PRRT1: variants seen among roughly 807,000 people sequenced by gnomAD.
The protein encoded by PRRT1 is proline rich transmembrane protein 1.
PRRT1 carries 8 observed loss-of-function variants against 22.6 expected under a neutral mutation model. The ratio of observed to expected loss-of-function variants is 0.35; its 90% CI spans 0.21 to 0.64. PRRT1 has a LOEUF of 0.64. Among genes scored for constraint, PRRT1 ranks in the 30% least tolerant of loss-of-function variants. The probability of loss-of-function intolerance (pLI) is 0.69; values close to 1 mark genes in which losing one functional copy is unlikely to be tolerated. For missense variants in PRRT1, 315 were observed against 444.5 expected, an observed-to-expected ratio of 0.71 and a Z score of 2.62; for synonymous variants, 176 against 203.6, an observed-to-expected ratio of 0.86 and a Z score of 1.15.
Position 32,149,065 on chromosome 6 carries a change from G to T in PRRT1, c.*157C>A, listed in dbSNP as rs1237333717. 5 of 849,068 alleles carry T rather than the reference G, an allele frequency of 5.9e-6. No individual in the cohort carries two copies. The highest frequency in any genetic ancestry group is 1.7e-5 in the African/African-American group (1 of 59,778). 52.6% of individuals were successfully genotyped at this position (849,068 alleles called of 1,614,324 possible). On this transcript the variant is annotated 3_prime_UTR_variant, in exon 4 of 4. Coordinates refer to ENST00000211413, the MANE Select transcript of PRRT1 (RefSeq NM_030651.4). The surrounding 1 kb of genome is among the most constrained non-coding windows in gnomAD (Gnocchi z 8.7). ...GAGGAACTGGATTCCGAGCTTGCTC[G>T]CAAGGCGAGACGTTCCGTGGAGGCG...
chr6:32,150,928 G>T lies in PRRT1; in HGVS notation c.20-22C>A. ...AGTCCTGGGGGAGGTGAGTGGAGGAGAGTATAAGAGGAAAGATGACACAGT... is the reference window on the plus strand; with the variant it reads ...AGTCCTGGGGGAGGTGAGTGGAGGATAGTATAAGAGGAAAGATGACACAGT... On this transcript the variant is annotated intron_variant, in intron 1 of 3. Transcript: ENST00000211413. The surrounding 1 kb of genome is among the most constrained non-coding windows in gnomAD (Gnocchi z 7.2). 1 of 1,550,556 alleles carries T rather than the reference G, an allele frequency of 6.4e-7. No individual in the cohort carries two copies. The highest frequency in any genetic ancestry group is 2.3e-5 in the East Asian group (1 of 43,760).
chr6:32,150,247 C>T lies in PRRT1; in HGVS notation c.558+121G>A, dbSNP rs55837967. 1.6e-6 allele frequency: 2 copies of T among 1,255,946 alleles called. No homozygotes were observed. The highest frequency in any genetic ancestry group is 2.1e-6 in the Non-Finnish European group (2 of 950,564). 77.8% of individuals were successfully genotyped at this position (1,255,946 alleles called of 1,614,324 possible). A position where few individuals can be genotyped will look rare whatever the true frequency, so the allele number is the denominator to read the frequency against. On this transcript the variant is annotated intron_variant, in intron 2 of 3. Transcript: ENST00000211413. This position sits in a 1 kb window ranked among gnomAD's most constrained non-coding sequence, Gnocchi z 7.2. ...GCTCCCTTCTTTCTAGGGCTTGTCC[C>T]GGGAACACTACCTGTTCCCTGCCCT...
intron 1 of PRRT1, chr6:32,151,500 G>A: frequency 1.9e-6 from 1 of 526,168 alleles, no homozygotes; most frequent in Non-Finnish European, 3.4e-6. Context: ...CTCCATGCCA[G>A]CCAGTGATTG....
intron 1 of PRRT1, 66 bp downstream of exon 1, chr6:32,151,725 AGGGGTAAGGGAGGGGGTT>A (rs1370694611): frequency 8.6e-6 from 4 of 463,544 alleles, no homozygotes; most frequent in Non-Finnish European, 1.4e-5. Flanking sequence ...ACAGCTGAGG[AGGGGTAAGGGAGGGGGTT>A]GGGGCAAGGG....
At position 32,149,195 on chromosome 6, in the gene PRRT1, C is replaced by T; in HGVS notation, c.*27G>A. 5 of 1,608,906 alleles carry T rather than the reference C, an allele frequency of 3.1e-6. No individual in the cohort carries two copies. The highest frequency in any genetic ancestry group is 4.2e-6 in the Non-Finnish European group (5 of 1,178,520). On this transcript the variant is annotated 3_prime_UTR_variant, in exon 4 of 4. Coordinates refer to ENST00000211413, the MANE Select transcript of PRRT1 (RefSeq NM_030651.4). The surrounding 1 kb of genome is among the most constrained non-coding windows in gnomAD (Gnocchi z 8.7). Reference sequence around the variant, plus strand: ...AAAGAGCCTGGGAGATCGAGGGGCGCAGAGTGGGGCCGGACCAGGGGCGTT... The same window carrying T: ...AAAGAGCCTGGGAGATCGAGGGGCGTAGAGTGGGGCCGGACCAGGGGCGTT...
intron 1 of PRRT1, chr6:32,151,306 G>A (rs988712223): frequency 1.3e-5 from 6 of 460,324 alleles, no homozygotes; most frequent in Non-Finnish European, 2.4e-5. Flanking sequence ...CAATTCAACA[G>A]TTGTATAAAC....
rs2127375883 is a variant in PRRT1, at chr6:32,148,887, G to T, written c.*335C>A. On this transcript the variant is annotated 3_prime_UTR_variant, in exon 4 of 4. Transcript: ENST00000211413. This position sits in a 1 kb window ranked among gnomAD's most constrained non-coding sequence, Gnocchi z 5.7. ...TGTCAGAGCTGGGGCGGTGCTTATAGAGGAGGCGGGGTTTTAGGGACCAAA... is the reference window on the plus strand; with the variant it reads ...TGTCAGAGCTGGGGCGGTGCTTATATAGGAGGCGGGGTTTTAGGGACCAAA... 1 of 611,052 alleles carries T rather than the reference G, an allele frequency of 1.6e-6. No individual in the cohort carries two copies. Among genetic ancestry groups the T allele is most frequent in the East Asian group, 3.4e-5 (1 of 29,056 alleles). The allele number at this position is 611,052 out of a possible 1,614,324, so 37.9% of individuals were successfully genotyped here.
chr6:32,150,863 A>C lies in PRRT1; in HGVS notation c.63T>G (p.Asn21Lys), dbSNP rs752277152. Residue 21 changes from asparagine (N) to lysine (K), a missense_variant, in exon 2 of 4, where the codon AAT becomes AAG. Asn to Lys is a moderately conservative substitution (Grantham distance 94, BLOSUM62 0). Coordinates refer to ENST00000211413, the MANE Select transcript of PRRT1 (RefSeq NM_030651.4). This position sits in a 1 kb window ranked among gnomAD's most constrained non-coding sequence, Gnocchi z 7.2. ...GGGGTTCGGCTGGAGGCTGAGGGGC[A>C]TTGTAGGGCGGCGGAGAAGTGTGAG... is the stretch of plus-strand genomic sequence containing the variant. ...SVPHTSPPPY[N>K]APQPPAEPPA... 6.3e-7 allele frequency: 1 copy of C among 1,584,176 alleles called. No homozygotes were observed. The highest frequency in any genetic ancestry group is 8.6e-7 in the Non-Finnish European group (1 of 1,168,140).
chr6:32,151,954 G>GGC, upstream of PRRT1: 1 of 311,400 alleles, frequency 3.2e-6, no homozygotes, highest in Admixed American at 3.8e-5. Context: ...GCAGCGGCGG[G>GGC]GGGGGGGGGC....
At chr6:32,152,000 G>GGGGGGGTA, upstream of PRRT1, 1 of 350,442 alleles carries the variant, frequency 2.9e-6, no homozygotes. Flanking sequence ...GGGAGGGGGG[G>GGGGGGGTA]AGCTTAAAGG....
At chr6:32,151,961 G>A, upstream of PRRT1, 3 of 303,110 alleles carry the variant, frequency 9.9e-6, no homozygotes, top group Non-Finnish European at 1.3e-5. Context: ...CGGGGGGGGG[G>A]GGCGGGGGGG....
Position 32,148,698 on chromosome 6 carries a change from AGT to A in PRRT1, c.*522_*523del. On this transcript the variant is annotated 3_prime_UTR_variant, in exon 4 of 4. Coordinates refer to ENST00000211413, the MANE Select transcript of PRRT1 (RefSeq NM_030651.4). This position sits in a 1 kb window ranked among gnomAD's most constrained non-coding sequence, Gnocchi z 5.7. Reference sequence around the variant, plus strand: ...CAAAAATGTACTTGCAAAAAACAGGAGTGTGGGGGCCTTACTACCCCAGGGCT... The same window carrying A: ...CAAAAATGTACTTGCAAAAAACAGGAGTGGGGGCCTTACTACCCCAGGGCT... The A allele has an allele frequency of 2.4e-6, 1 of 422,642 alleles. No individual in the cohort carries two copies. Among genetic ancestry groups the A allele is most frequent in the Non-Finnish European group, 4.8e-6 (1 of 208,808 alleles). 26.2% of individuals were successfully genotyped at this position (422,642 alleles called of 1,614,324 possible).
rs532275018 is a variant in PRRT1 at position 32,151,795 on chromosome 6, G to A, written c.19+14C>T. The A allele has an allele frequency of 5.6e-6, 9 of 1,606,622 alleles. No homozygotes were observed. In the African/African-American group the frequency reaches 1.1e-4, roughly 19 times the overall value. On this transcript the variant is annotated intron_variant, in intron 1 of 3. Transcript: ENST00000211413. ...GACAGTGGAGGGGGTGGGAGGTTTT[G>A]TTATTGTTTTTACCTGACTTTTCGG...
Position 32,148,772 on chromosome 6 carries a change from G to A in PRRT1, c.*450C>T, listed in dbSNP as rs1218707355. On this transcript the variant is annotated 3_prime_UTR_variant, in exon 4 of 4. Coordinates refer to ENST00000211413, the MANE Select transcript of PRRT1 (RefSeq NM_030651.4). This position sits in a 1 kb window ranked among gnomAD's most constrained non-coding sequence, Gnocchi z 5.7. ...GGGAGGGGTCTGTCCGTCTGTGGGCGAGGCCTGGAGCCACAAACCCAATCA... is the reference window on the plus strand; with the variant it reads ...GGGAGGGGTCTGTCCGTCTGTGGGCAAGGCCTGGAGCCACAAACCCAATCA... The A allele has an allele frequency of 4.2e-6, 2 of 472,914 alleles. No individual in the cohort carries two copies. Among genetic ancestry groups the A allele is most frequent in the African/African-American group, 2.0e-5 (1 of 50,812 alleles). The allele number at this position is 472,914 out of a possible 1,614,324, so 29.3% of individuals were successfully genotyped here.
chr6:32,148,557 C>T lies in PRRT1; in HGVS notation c.*665G>A, dbSNP rs1473164234. The T allele has an allele frequency of 9.1e-6, 3 of 328,416 alleles. No individual in the cohort carries two copies. The highest frequency in any genetic ancestry group is 4.3e-5 in the African/African-American group (2 of 46,270). The allele number at this position is 328,416 out of a possible 1,614,324, so 20.3% of individuals were successfully genotyped here. A position where few individuals can be genotyped will look rare whatever the true frequency, so the allele number is the denominator to read the frequency against. ...TTACAGAGCGTTTACAGGCAGGTTT[C>T]TTATCCCAGGGAGAAGGGTCCTACA... is the stretch of plus-strand genomic sequence containing the variant. On this transcript the variant is annotated 3_prime_UTR_variant, in exon 4 of 4. Coordinates refer to ENST00000211413, the MANE Select transcript of PRRT1 (RefSeq NM_030651.4). The surrounding 1 kb of genome is among the most constrained non-coding windows in gnomAD (Gnocchi z 5.7).
In PRRT1 at chr6:32,150,191, C is replaced by T. The variant is rs2127377609; in HGVS notation, c.558+177G>A. 6.6e-6 allele frequency among the ~76,000 whole-genome samples: 1 copy of T among 152,286 alleles called. No homozygotes were observed. Among genetic ancestry groups the T allele is most frequent in the East Asian group, 1.9e-4 (1 of 5,166 alleles). On this transcript the variant is annotated intron_variant, in intron 2 of 3. Coordinates refer to ENST00000211413, the MANE Select transcript of PRRT1 (RefSeq NM_030651.4). The surrounding 1 kb of genome is among the most constrained non-coding windows in gnomAD (Gnocchi z 7.2). Reference sequence around the variant, plus strand: ...TCTGGGCACCAGTAGACTCCTACTCCCGTGTCTCTCCCTAGTCCTTCCTGT... The same window carrying T: ...TCTGGGCACCAGTAGACTCCTACTCTCGTGTCTCTCCCTAGTCCTTCCTGT...
Position 32,150,921 on chromosome 6 carries a change from T to G in PRRT1, c.20-15A>C, listed in dbSNP as rs1783233409. On this transcript the variant is annotated splice_polypyrimidine_tract_variant and intron_variant, in intron 1 of 3. Transcript: ENST00000211413. This position sits in a 1 kb window ranked among gnomAD's most constrained non-coding sequence, Gnocchi z 7.2. ...GTCTGGGAGTCCTGGGGGAGGTGAG[T>G]GGAGGAGAGTATAAGAGGAAAGATG... 1 of 1,555,102 alleles carries G rather than the reference T, an allele frequency of 6.4e-7. No homozygotes were observed.
upstream of PRRT1, chr6:32,151,980 A>AGGGGGGGTGGGG: frequency 1.3e-5 from 1 of 78,290 alleles, no homozygotes; most frequent in Admixed American, 1.9e-4. Context: ...GGGCGGGCGG[A>AGGGGGGGTGGGG]GGGAGAGCGG....
Position 32,151,889 on chromosome 6 carries a change from G to A in PRRT1, c.-62C>T. 6.7e-7 allele frequency: 1 copy of A among 1,502,314 alleles called. No homozygotes were observed. Among genetic ancestry groups the A allele is most frequent in the Middle Eastern group, 1.8e-4 (1 of 5,612 alleles). The allele number at this position is 1,502,314 out of a possible 1,614,324, so 93.1% of individuals were successfully genotyped here. ...GAGTGGGGGTCCTCGGCCGGTGCTGGAGTCTGGGTGCTGGATGGCGCAGCC... is the reference window on the plus strand; with the variant it reads ...GAGTGGGGGTCCTCGGCCGGTGCTGAAGTCTGGGTGCTGGATGGCGCAGCC... On this transcript the variant is annotated 5_prime_UTR_variant, in exon 1 of 4. Transcript: ENST00000211413.
Sources: gnomAD v4.1 joint callset for allele counts (sites outside exome capture counted in the v4.1 genomes callset) on GRCh38, gnomAD v4.1.1 for gene constraint, Gnocchi (gnomAD v3.1) non-coding constraint, MANE v1.5 for transcripts, NCBI Gene and HGNC (gene_info 2026-07-23, HGNC 2026-07-21) for gene names.